C12orf42: variants seen among roughly 807,000 people sequenced by gnomAD.
The protein encoded by C12orf42 is chromosome 12 open reading frame 42.
In C12orf42, 25 loss-of-function variants were observed where a neutral mutation model predicts 21.6. The ratio of observed to expected loss-of-function variants is 1.16; its 90% CI spans 0.84 to 1.62. C12orf42 has a LOEUF of 1.62. C12orf42 is among the 40% of genes most tolerant of loss of function. C12orf42 has a pLI of 0.00. For missense variants in C12orf42, 483 were observed against 459.3 expected (o/e 1.05, Z -0.47); for synonymous variants, 174 against 175.0 (o/e 0.99, Z 0.05).
the C12orf42 span, among the ~76,000 whole-genome samples, chr12:103,122,787 A>G: frequency 6.6e-6 from 1 of 152,152 alleles, no homozygotes; most frequent in Non-Finnish European, 1.5e-5. Context: ...AGATCAATAT[A>G]GGGACTTTGT....
At chr12:103,242,564 G>C (rs185868955) in intron 10 of C12orf42, among the ~76,000 whole-genome samples, 14 of 151,852 alleles carry the variant, frequency 9.2e-5, no homozygotes, top group African/African-American at 3.4e-4. Context: ...AATTTAAAAG[G>C]TCACAAAACA....
intron 2 of C12orf42, among the ~76,000 whole-genome samples, chr12:103,450,940 C>T (rs1228430645): frequency 1.3e-5 from 2 of 152,134 alleles, no homozygotes; most frequent in African/African-American, 2.4e-5. Flanking sequence ...ATACAACTCA[C>T]TTAAGAACTT....
chr12:103,403,375 CAAAA>C (rs11313657), intron 2 of C12orf42, among the ~76,000 whole-genome samples: 2 of 89,232 alleles, frequency 2.2e-5, no homozygotes, highest in Non-Finnish European at 5.0e-5. Flanking sequence ...GACTCCGTCT[CAAAA>C]AAAAAAAAAA....
the C12orf42 span, among the ~76,000 whole-genome samples, chr12:103,057,929 T>C: frequency 4.6e-5 from 7 of 152,058 alleles, no homozygotes; most frequent in Admixed American, 4.6e-4. Flanking sequence ...GTAGTTTTGA[T>C]TTGTATTTCT....
chr12:103,339,470 T>C (rs2041988444), intron 4 of C12orf42, among the ~76,000 whole-genome samples: 1 of 152,262 alleles, frequency 6.6e-6, no homozygotes, highest in African/African-American at 2.4e-5. Flanking sequence ...TTTCTGTTTC[T>C]GTGTTAGTTT....
chr12:103,506,872 T>TATA, the C12orf42 span, among the ~76,000 whole-genome samples: 316 of 57,382 alleles, frequency 5.5e-3, 20 homozygotes, highest in South Asian at 0.01. Flanking sequence ...ATATATATAT[T>TATA]TATATATTAT....
intron 2 of C12orf42, among the ~76,000 whole-genome samples, chr12:103,432,678 G>A (rs1382381346): frequency 1.3e-5 from 2 of 152,168 alleles, no homozygotes; most frequent in Non-Finnish European, 2.9e-5. Flanking sequence ...TAGAGACAAG[G>A]GTCTTTAAAG....
At chr12:103,183,198 C>T in the C12orf42 span, among the ~76,000 whole-genome samples, 1 of 152,234 alleles carries the variant, frequency 6.6e-6, no homozygotes. Flanking sequence ...TCTCCTGCCT[C>T]AGCCTCCTGA....
At chr12:103,230,240 C>T in the C12orf42 span, among the ~76,000 whole-genome samples, 1 of 152,108 alleles carries the variant, frequency 6.6e-6, no homozygotes, top group Admixed American at 6.6e-5. Flanking sequence ...GGGCTGAGTT[C>T]TTATCTGGTG....
intron 3 of C12orf42, among the ~76,000 whole-genome samples, chr12:103,371,654 A>G (rs1017464958): frequency 1.3e-5 from 2 of 152,004 alleles, no homozygotes; most frequent in African/African-American, 4.8e-5. Context: ...GTGAGACAAA[A>G]ATTTTTTTCC....
chr12:103,450,383 T>A lies in C12orf42; in HGVS notation c.78+27966A>T, dbSNP rs143024496. 5.4e-3 allele frequency among the ~76,000 whole-genome samples: 829 copies of A among 152,246 alleles called. 13 individuals are homozygous for A. Among genetic ancestry groups the A allele is most frequent in the African/African-American group, 0.019 (774 of 41,532 alleles). On this transcript the variant is annotated intron_variant, in intron 2 of 5. Transcript: ENST00000548883. ...CTCCTCTTGCTTTACTGGGATAAAC[T>A]TGGTGTTCTTGATTTATTTACTAAT...
chr12:103,529,165 C>T, the C12orf42 span, among the ~76,000 whole-genome samples: 31 of 152,184 alleles, frequency 2.0e-4, no homozygotes, highest in African/African-American at 7.2e-4. Context: ...GAATCCTATC[C>T]ACGTATCGGC....
At chr12:103,278,876 C>A (rs2035936027) in intron 4 of C12orf42, among the ~76,000 whole-genome samples, 1 of 152,202 alleles carries the variant, frequency 6.6e-6, no homozygotes, top group African/African-American at 2.4e-5. Context: ...TGTAGAAACT[C>A]CACATTTTCC....
the C12orf42 span, among the ~76,000 whole-genome samples, chr12:103,130,333 T>C: frequency 6.6e-6 from 1 of 150,450 alleles, no homozygotes; most frequent in Admixed American, 6.7e-5. Context: ...TCAGAGACCA[T>C]ATTCTAAAAA....
At chr12:103,429,978 A>G (rs1226277366) in intron 2 of C12orf42, among the ~76,000 whole-genome samples, 1 of 152,236 alleles carries the variant, frequency 6.6e-6, no homozygotes, top group Non-Finnish European at 1.5e-5. Context: ...CTCAGGATGG[A>G]TTAAACACTT....
At chr12:103,061,972 T>C in the C12orf42 span, among the ~76,000 whole-genome samples, 1 of 151,966 alleles carries the variant, frequency 6.6e-6, no homozygotes, top group African/African-American at 2.4e-5. Flanking sequence ...TCCCCCTTGG[T>C]TTATTGTTTT....
At chr12:103,254,473 C>T (rs2034456338) in intron 10 of C12orf42, among the ~76,000 whole-genome samples, 1 of 152,166 alleles carries the variant, frequency 6.6e-6, no homozygotes, top group Non-Finnish European at 1.5e-5. Context: ...CACTACGAGG[C>T]TACAGTAACC....
At chr12:103,201,274 G>A in the C12orf42 span, among the ~76,000 whole-genome samples, 1,647 of 152,234 alleles carry the variant, frequency 0.011, 26 homozygotes, top group African/African-American at 0.037. Context: ...TCAGAAAGCC[G>A]TAGTGGATCA....
chr12:103,117,479 C>T, the C12orf42 span, among the ~76,000 whole-genome samples: 8 of 152,246 alleles, frequency 5.3e-5, no homozygotes, highest in East Asian at 1.5e-3. Flanking sequence ...TTTGTTTAAA[C>T]CTTGTCTCAG....
Sources: allele counts gnomAD v4.1 joint callset (sites outside exome capture counted in the v4.1 genomes callset), GRCh38; gene constraint gnomAD v4.1.1; transcripts MANE v1.5; gene names NCBI Gene and HGNC (gene_info 2026-07-23, HGNC 2026-07-21).